The following PRKAR1A variants were observed in gnomAD, a reference collection of about 807,000 sequenced individuals.
PRKAR1A encodes cAMP-dependent protein kinase type I-alpha regulatory subunit.
Under a neutral mutation model 52.0 loss-of-function variants are expected in PRKAR1A, and 3 were observed. The observed-to-expected ratio is 0.06, with a 90% CI of 0.03 to 0.15. The LOEUF is 0.15. Among genes scored for constraint, PRKAR1A ranks in the 10% least tolerant of loss-of-function variants. PRKAR1A has a pLI of 1.00. For missense variants in PRKAR1A, 240 were observed against 477.4 expected (o/e 0.50, Z 4.63); for synonymous variants, 188 against 168.4 (o/e 1.12, Z -0.90).
chr17:68,473,957 TG>T, the PRKAR1A span, among the ~76,000 whole-genome samples: 1 of 152,182 alleles, frequency 6.6e-6, no homozygotes, highest in Non-Finnish European at 1.5e-5. Flanking sequence ...TATTCTTTAT[TG>T]GTATAATTTG....
intron 3 of PRKAR1A, among the ~76,000 whole-genome samples, chr17:68,523,495 A>C (rs573416147): frequency 6.6e-6 from 1 of 152,382 alleles, no homozygotes; most frequent in Admixed American, 6.5e-5. Flanking sequence ...ACTGGGAACC[A>C]AGTACCAGAC....
the PRKAR1A span, among the ~76,000 whole-genome samples, chr17:68,416,323 T>A: frequency 3.4e-3 from 512 of 152,312 alleles, 7 homozygotes; most frequent in African/African-American, 0.011. Flanking sequence ...ATTGTTTTGA[T>A]GGAGGAGGCT....
chr17:68,451,899 C>T, the PRKAR1A span, among the ~76,000 whole-genome samples: 1 of 152,316 alleles, frequency 6.6e-6, no homozygotes, highest in East Asian at 1.9e-4. Context: ...ATATGTGTGC[C>T]TTTCTTCCAC....
downstream of PRKAR1A, chr17:68,535,588 C>T (rs185073519): frequency 6.6e-6 from 3 of 453,984 alleles, no homozygotes; most frequent in East Asian, 2.1e-4. Flanking sequence ...AGTGGGGAGC[C>T]CTATGCTGCA....
chr17:68,516,660 C>A (rs866199029), intron 2 of PRKAR1A, among the ~76,000 whole-genome samples: 56 of 151,766 alleles, frequency 3.7e-4, no homozygotes, highest in Middle Eastern at 6.8e-3. Flanking sequence ...GCTCATTGAT[C>A]AGGTATTTTC....
rs1238974472 is a variant in PRKAR1A at position 68,532,466 on chromosome 17, A to G, written c.*2017A>G. The G allele has an allele frequency of 4.7e-5, 50 of 1,060,658 alleles. No individual in the cohort carries two copies. The highest frequency in any genetic ancestry group is 5.5e-5 in the Non-Finnish European group (48 of 874,906). The allele number at this position is 1,060,658 out of a possible 1,614,324, so 65.7% of individuals were successfully genotyped here. On this transcript the variant is annotated 3_prime_UTR_variant, in exon 11 of 11. Transcript: ENST00000589228. ...AATTAAAAACTTTAAAGATAAGTCT[A>G]CATTAAACAATGATCACATCTAAAG...
the PRKAR1A span, among the ~76,000 whole-genome samples, chr17:68,460,393 G>A: frequency 6.6e-6 from 1 of 152,188 alleles, no homozygotes; most frequent in African/African-American, 2.4e-5. Context: ...CTTCAGTCAG[G>A]TATTCAGGAA....
the PRKAR1A span, chr17:68,436,348 G>C: frequency 6.3e-7 from 1 of 1,589,590 alleles, no homozygotes. Context: ...GCCAAGGCAG[G>C]TGGGTTGGCT....
rs1379671402 is a variant in PRKAR1A, at chr17:68,522,642, A to G, written c.178-114A>G. ...AATTGGTGTTTTCCTCTTAACTTAC[A>G]TTGTTAATGGAAGAAGAGATTGGAA... On this transcript the variant is annotated intron_variant, in intron 2 of 10. Coordinates refer to ENST00000589228, the MANE Select transcript of PRKAR1A (RefSeq NM_002734.5). The G allele has an allele frequency of 1.1e-5, 13 of 1,194,964 alleles. No individual in the cohort carries two copies. The East Asian group carries it at 2.0e-4, about 18-fold the overall frequency. The allele number at this position is 1,194,964 out of a possible 1,614,324, so 74.0% of individuals were successfully genotyped here.
At chr17:68,441,075 C>G in the PRKAR1A span, 3 of 152,134 alleles carry the variant, frequency 2.0e-5, no homozygotes, top group Non-Finnish European at 4.4e-5. Flanking sequence ...CCTCAATATC[C>G]CATAAAAGGT....
chr17:68,477,999 A>G, the PRKAR1A span, among the ~76,000 whole-genome samples: 1,945 of 152,328 alleles, frequency 0.013, 47 homozygotes, highest in African/African-American at 0.043. Flanking sequence ...CTGGGATTAC[A>G]GAGGATGGCC....
chr17:68,489,446 A>C, the PRKAR1A span, among the ~76,000 whole-genome samples: 1 of 142,152 alleles, frequency 7.0e-6, no homozygotes, highest in Admixed American at 7.3e-5. Context: ...GAAAGTATAT[A>C]TATATATAAA....
Position 68,550,369 on chromosome 17 carries a change from CTTTTTTTTTTTTT to C in PRKAR1A, c.974-700_974-688del, listed in dbSNP as rs747654899. 1.0e-4 allele frequency among the ~76,000 whole-genome samples: 8 copies of C among 79,390 alleles called. No individual in the cohort carries two copies. The East Asian group carries it at 2.8e-3, about 28-fold the overall frequency. The allele number at this position is 79,390 out of a possible 152,430, so 52.1% of individuals were successfully genotyped here. A position where few individuals can be genotyped will look rare whatever the true frequency, so the allele number is the denominator to read the frequency against. ...CTTTCACATAGGAAAAATGGGGGAA[CTTTTTTTTTTTTT>C]TTTTTTTTTTTTTTAAGATAGAGAG... On this transcript the variant is annotated intron_variant, in intron 11 of 11. Transcript: ENST00000585981.
chr17:68,456,257 G>C, the PRKAR1A span, among the ~76,000 whole-genome samples: 1 of 152,146 alleles, frequency 6.6e-6, no homozygotes, highest in African/African-American at 2.4e-5. Flanking sequence ...GTTCAGCACC[G>C]GGTGTTTTTA....
chr17:68,531,829 A>C lies in PRKAR1A; in HGVS notation c.*1380A>C, dbSNP rs898390350. The C allele has an allele frequency of 9.7e-6, 10 of 1,034,946 alleles. No individual in the cohort carries two copies. The highest frequency in any genetic ancestry group is 1.2e-5 in the Non-Finnish European group (10 of 851,438). 64.1% of individuals were successfully genotyped at this position (1,034,946 alleles called of 1,614,324 possible). On this transcript the variant is annotated 3_prime_UTR_variant, in exon 11 of 11. Transcript: ENST00000589228. ...AACAGTTTATTTTTATTATTTTTTT[A>C]AACAAAATTTCACAGTTCTGTAATG...
the PRKAR1A span, among the ~76,000 whole-genome samples, chr17:68,465,609 G>A: frequency 7.4e-6 from 1 of 135,918 alleles, no homozygotes; most frequent in Non-Finnish European, 1.6e-5. Context: ...CGTGCGGTGC[G>A]CGACCACGCC....
chr17:68,539,429 G>T, intron 11 of PRKAR1A: 1 of 1,600,418 alleles, frequency 6.2e-7, no homozygotes, highest in South Asian at 1.1e-5. Flanking sequence ...ATGGGTGGCC[G>T]GCAGCATCCT....
chr17:68,540,687 T>C, intron 11 of PRKAR1A: 1 of 872,862 alleles, frequency 1.1e-6, no homozygotes. Flanking sequence ...GGGAGCCTGT[T>C]ACCTTCTGTC....
the PRKAR1A span, among the ~76,000 whole-genome samples, chr17:68,465,550 G>A: frequency 6.6e-6 from 1 of 151,352 alleles, no homozygotes; most frequent in African/African-American, 2.4e-5. Context: ...CGCCTCCGGG[G>A]TTCAAGCAAT....
Sources: allele counts gnomAD v4.1 joint callset (sites outside exome capture counted in the v4.1 genomes callset), GRCh38; gene constraint gnomAD v4.1.1; transcripts MANE v1.5; gene names NCBI Gene and HGNC (gene_info 2026-07-23, HGNC 2026-07-21).